Variants in DOCK2 observed in about 807,000 individuals in gnomAD.
DOCK2 encodes dedicator of cytokinesis protein 2.
Under a neutral mutation model 248.9 loss-of-function variants are expected in DOCK2, and 87 were observed. That is an observed-to-expected ratio of 0.35 (90% CI 0.29 to 0.42). The LOEUF (loss-of-function observed/expected upper bound fraction) is 0.42, where lower values mean the gene tolerates loss of function less well. Among genes scored for constraint, DOCK2 ranks in the 10% least tolerant of loss-of-function variants. DOCK2 has a pLI of 1.00. For missense variants in DOCK2, 1,747 were observed against 2,300.2 expected (o/e 0.76, Z 4.92); for synonymous variants, 805 against 821.6 (o/e 0.98, Z 0.35).
intron 25 of DOCK2, among the ~76,000 whole-genome samples, chr5:169,783,905 G>A (rs1765844418): frequency 6.6e-6 from 1 of 152,112 alleles, no homozygotes; most frequent in Non-Finnish European, 1.5e-5. Context: ...ACAATCTACT[G>A]TCTCCTAGGA....
chr5:169,695,755 T>C (rs756101922), intron 9 of DOCK2, 48 bp from the exon 10 acceptor site: 2 of 1,605,114 alleles, frequency 1.2e-6, no homozygotes, highest in African/African-American at 1.4e-5. Context: ...CTACCTTTTT[T>C]CCCCCATTCA....
intron 22 of DOCK2, among the ~76,000 whole-genome samples, chr5:169,728,048 G>T (rs563154907): frequency 2.2e-4 from 34 of 152,272 alleles, no homozygotes; most frequent in Non-Finnish European, 4.1e-4. Flanking sequence ...AGAGGAAGAA[G>T]ATAAAGGTTT....
At chr5:170,075,764 C>A in intron 46 of DOCK2, 183 bp from the exon 47 acceptor site, 1 of 765,934 alleles carries the variant, frequency 1.3e-6, no homozygotes. Context: ...CAGAGCAAAC[C>A]TCATGTTTGC....
chr5:169,902,731 G>C (rs968520987), intron 27 of DOCK2, among the ~76,000 whole-genome samples: 1 of 152,172 alleles, frequency 6.6e-6, no homozygotes, highest in African/African-American at 2.4e-5. Context: ...TGCAGAAAAT[G>C]GGTTGGGTAC....
chr5:169,896,164 GT>G (rs1308498654), intron 27 of DOCK2, among the ~76,000 whole-genome samples: 1 of 151,752 alleles, frequency 6.6e-6, no homozygotes, highest in Non-Finnish European at 1.5e-5. Context: ...GCCAGAAACC[GT>G]TGCTCCTGGG....
At chr5:169,935,301 A>C (rs563024580) in intron 27 of DOCK2, among the ~76,000 whole-genome samples, 1 of 152,148 alleles carries the variant, frequency 6.6e-6, no homozygotes, top group African/African-American at 2.4e-5. Context: ...ACTCGACCAA[A>C]AAAAGGTCTC....
chr5:169,991,055 A>G (rs1778193255), intron 29 of DOCK2, among the ~76,000 whole-genome samples: 1 of 152,214 alleles, frequency 6.6e-6, no homozygotes, highest in East Asian at 1.9e-4. Context: ...CCTTTTACAG[A>G]TGGGGCAGTT....
chr5:169,909,426 T>G (rs972759686), intron 27 of DOCK2, among the ~76,000 whole-genome samples: 21 of 152,204 alleles, frequency 1.4e-4, no homozygotes, highest in Non-Finnish European at 2.6e-4. Flanking sequence ...GCAATGAATT[T>G]AAAAAAATCT....
intron 26 of DOCK2, among the ~76,000 whole-genome samples, chr5:169,808,589 T>TC (rs35461006): frequency 0.27 from 40,830 of 151,610 alleles, 5,553 homozygotes; most frequent in Admixed American, 0.3. Context: ...ACTCCTTTTC[T>TC]CCCCCCTCAC....
chr5:169,901,810 G>C (rs1266374023), intron 27 of DOCK2, among the ~76,000 whole-genome samples: 2 of 152,144 alleles, frequency 1.3e-5, no homozygotes, highest in East Asian at 1.9e-4. Flanking sequence ...GGGTTTTCTG[G>C]ACCCTCAGCC....
At chr5:169,921,611 T>C (rs555600352) in intron 27 of DOCK2, among the ~76,000 whole-genome samples, 6 of 152,320 alleles carry the variant, frequency 3.9e-5, no homozygotes, top group African/African-American at 1.4e-4. Context: ...CTGTTTAACT[T>C]TGTTTAACCC....
At chr5:169,702,150 T>G in intron 13 of DOCK2, 153 bp from the exon 14 acceptor site, 1 of 886,572 alleles carries the variant, frequency 1.1e-6, no homozygotes, top group Non-Finnish European at 1.6e-6. Flanking sequence ...GCCTCCCTGA[T>G]GAGGGAAAAA....
In DOCK2 at chr5:170,055,510, T is replaced by A. The variant is rs980043737; in HGVS notation, c.4295+124T>A. On this transcript the variant is annotated intron_variant, in intron 42 of 51. Transcript: ENST00000520908. The stretch of plus-strand genomic sequence containing the variant: ...TTCCTTCTCTATCTTAGCCAGTTTT[T>A]CCCCCCTTTTCCTCTTGGGCAAAGA... 6 of 813,726 alleles carry A rather than the reference T, an allele frequency of 7.4e-6. No homozygotes were observed. The East Asian group carries it at 1.6e-4, about 22-fold the overall frequency. The allele number at this position is 813,726 out of a possible 1,614,324, so 50.4% of individuals were successfully genotyped here. A position where few individuals can be genotyped will look rare whatever the true frequency, so the allele number is the denominator to read the frequency against.
intron 6 of DOCK2, among the ~76,000 whole-genome samples, chr5:169,674,661 G>C (rs1294504047): frequency 3.3e-5 from 5 of 152,196 alleles, no homozygotes; most frequent in African/African-American, 9.7e-5. Flanking sequence ...TTAACATGGT[G>C]TTATTACCAG....
chr5:169,931,969 C>A (rs941536219), intron 27 of DOCK2, among the ~76,000 whole-genome samples: 1 of 152,310 alleles, frequency 6.6e-6, no homozygotes. Flanking sequence ...GAGCCTGCTG[C>A]CTGCCAGGAA....
intron 26 of DOCK2, among the ~76,000 whole-genome samples, chr5:169,825,443 G>A (rs34624504): frequency 0.46 from 68,506 of 148,594 alleles, 16,645 homozygotes; most frequent in African/African-American, 0.61. Context: ...TGCAGCCATA[G>A]AAAATGATGA....
intron 32 of DOCK2, among the ~76,000 whole-genome samples, chr5:170,017,600 T>C (rs1489104410): frequency 6.6e-6 from 1 of 152,238 alleles, no homozygotes; most frequent in Non-Finnish European, 1.5e-5. Context: ...CCAAGCATTG[T>C]CCTGGGCAGT....
At chr5:169,963,733 C>T (rs78607863) in intron 27 of DOCK2, among the ~76,000 whole-genome samples, 2,429 of 152,244 alleles carry the variant, frequency 0.016, 38 homozygotes, top group Admixed American at 0.034. Context: ...CTACCAGCAG[C>T]ATTTTTCCCT....
In DOCK2 at chr5:169,806,717, T is replaced by C. The variant is rs114820932; in HGVS notation, c.2703+3511T>C. Among the ~76,000 whole-genome samples the C allele has an allele frequency of 7.3e-3, 1,108 of 152,270 alleles. 12 individuals carry two copies. The highest frequency in any genetic ancestry group is 0.026 in the African/African-American group (1,080 of 41,534). On this transcript the variant is annotated intron_variant, in intron 26 of 51. Transcript: ENST00000520908. ...GTGGTGTCTTCCCTTTAACCTTTTT[T>C]TGCGTACTAACAAACAAATCGGCAG...
Sources: allele counts gnomAD v4.1 joint callset (sites outside exome capture counted in the v4.1 genomes callset), GRCh38; gene constraint gnomAD v4.1.1; transcripts MANE v1.5; gene names NCBI Gene and HGNC (gene_info 2026-07-23, HGNC 2026-07-21).